XPO4: variants seen among roughly 807,000 people sequenced by gnomAD.
XPO4 encodes the protein exportin-4.
XPO4 carries 39 observed loss-of-function variants against 143.0 expected under a neutral mutation model. The observed-to-expected ratio is 0.27, with a 90% CI of 0.21 to 0.36. The LOEUF is 0.36. Ranked by LOEUF, XPO4 falls within the 10% of genes least tolerant of loss-of-function variation. The pLI is 1.00. For missense variants in XPO4, 907 were observed against 1,348.0 expected, an observed-to-expected ratio of 0.67 and a Z score of 5.12; for synonymous variants, 439 against 474.0, an observed-to-expected ratio of 0.93 and a Z score of 0.96.
At chr13:20,887,335 T>C (rs2060470481) in intron 1 of XPO4, among the ~76,000 whole-genome samples, 1 of 152,184 alleles carries the variant, frequency 6.6e-6, no homozygotes, top group African/African-American at 2.4e-5. Flanking sequence ...GTGATGGATA[T>C]GTTAATTAAC....
chr13:20,829,872 C>T (rs2138003048), intron 6 of XPO4, among the ~76,000 whole-genome samples: 1 of 152,178 alleles, frequency 6.6e-6, no homozygotes, highest in East Asian at 1.9e-4. Flanking sequence ...CAAAAGGAAA[C>T]TATTAAACCT....
In XPO4 at chr13:20,842,925, C is replaced by T; in HGVS notation, c.697G>A (p.Val233Ile). 1 of 1,611,980 alleles carries T rather than the reference C, an allele frequency of 6.2e-7. No individual in the cohort carries two copies. Among genetic ancestry groups the T allele is most frequent in the Admixed American group, 1.7e-5 (1 of 59,882 alleles). ...GGAGGAAGAAAGTTCCAGCTCAAGA[C>T]TTGATTGGCGAGTGCAAGGTAACGC... is the stretch of plus-strand genomic sequence containing the variant. ...FQRYLALANQVLSWNFLPPNL... is the reference protein window; with the variant it reads ...FQRYLALANQILSWNFLPPNL... Residue 233 changes from valine to isoleucine, a missense_variant, in exon 6 of 23, where the codon GTC (valine) becomes ATC (isoleucine). Val to Ile is a conservative substitution (Grantham distance 29). Transcript: ENST00000255305.
intron 9 of XPO4, among the ~76,000 whole-genome samples, chr13:20,812,573 ACT>A (rs2059596041): frequency 6.6e-6 from 1 of 152,194 alleles, no homozygotes; most frequent in Non-Finnish European, 1.5e-5. Context: ...GATGAGGAAC[ACT>A]TGTTCATCAA....
At position 20,779,571 on chromosome 13, in the gene XPO4, G is replaced by A. The variant is rs1308492882; in HGVS notation, c.*4151C>T. ...CACAGTGGGAGAGGAGGGTAAAGAT[G>A]TGAGCTTCAAGCGGGTAATGGGCAA... is the stretch of plus-strand genomic sequence containing the variant. On this transcript the variant is annotated 3_prime_UTR_variant, in exon 23 of 23. Coordinates refer to ENST00000255305, the MANE Select transcript of XPO4 (RefSeq NM_022459.5). 6.6e-6 allele frequency: 1 copy of A among 152,424 alleles called. No homozygotes were observed. The highest frequency in any genetic ancestry group is 1.5e-5 in the Non-Finnish European group (1 of 68,026). 9.4% of individuals were successfully genotyped at this position (152,424 alleles called of 1,614,324 possible).
In XPO4 at chr13:20,796,778, A is replaced by G. The variant is rs892421001; in HGVS notation, c.2602T>C (p.Cys868Arg). ...AAAGTGCTTACCTCTCCAAGATAGC[A>G]TATCTGTTTATGTGCAACTTCAACA... ...VFVEVAHKQI[C>R]YLGESKAMNL... is the part of the protein sequence containing the mutation. Residue 868 changes from cysteine to arginine, a missense_variant, in exon 17 of 23, where the codon TGC (cysteine) becomes CGC (arginine). Cys to Arg is a radical substitution (Grantham distance 180, BLOSUM62 -3). Transcript: ENST00000255305. 1.2e-6 allele frequency: 2 copies of G among 1,611,178 alleles called. No homozygotes were observed. The highest frequency in any genetic ancestry group is 1.7e-6 in the Non-Finnish European group (2 of 1,178,606).
rs980250846 is a variant in XPO4, at chr13:20,900,412, C to T, written c.69+2258G>A. ...AAAAAGAAGATGAAAGTAATAATAC[C>T]TACCTCACAGAGTTACTGGAGATAA... On this transcript the variant is annotated intron_variant, in intron 1 of 22. Transcript: ENST00000255305. Among the ~76,000 whole-genome samples, 135 of 152,036 alleles carry T rather than the reference C, an allele frequency of 8.9e-4. 1 individual carries two copies. Among genetic ancestry groups the T allele is most frequent in the African/African-American group, 3.2e-3 (132 of 41,488 alleles).
chr13:20,802,798 A>G (rs567074012), intron 13 of XPO4, among the ~76,000 whole-genome samples: 7 of 152,278 alleles, frequency 4.6e-5, no homozygotes, highest in East Asian at 1.9e-4. Flanking sequence ...ACTTTTAAAC[A>G]TTTTCAATGA....
intron 2 of XPO4, 148 bp downstream of exon 2, chr13:20,868,448 C>T (rs1326707388): frequency 8.2e-7 from 1 of 1,220,640 alleles, no homozygotes. Context: ...ATCTTTAAAG[C>T]TACTCCAGTA....
chr13:20,868,505 TAAAAAGGAA>T, intron 2 of XPO4, 82 bp downstream of exon 2: 1 of 1,467,980 alleles, frequency 6.8e-7, no homozygotes. Flanking sequence ...ACCAGGTTTT[TAAAAAGGAA>T]TTTAAAATAG....
chr13:20,794,476 C>T lies in XPO4; in HGVS notation c.2797+1600G>A, dbSNP rs114512111. The stretch of plus-strand genomic sequence containing the variant: ...GGTCCTAACATTTAGTTACAGATTC[C>T]TCTGGGGACAAGATTCTTAACCTGG... On this transcript the variant is annotated intron_variant, in intron 18 of 22. Transcript: ENST00000255305. Among the ~76,000 whole-genome samples, 1,473 of 152,250 alleles carry T rather than the reference C, an allele frequency of 9.7e-3. 30 individuals are homozygous for T. Among genetic ancestry groups the T allele is most frequent in the African/African-American group, 0.034 (1,409 of 41,532 alleles).
chr13:20,887,118 T>C (rs1396970131), intron 1 of XPO4, among the ~76,000 whole-genome samples: 1 of 152,126 alleles, frequency 6.6e-6, no homozygotes, highest in Admixed American at 6.6e-5. Context: ...TTTATTGTGA[T>C]AAATACAGCA....
chr13:20,788,610 T>G lies in XPO4; in HGVS notation c.2923A>C (p.Thr975Pro). The G allele has an allele frequency of 6.3e-7, 1 of 1,589,680 alleles. No individual in the cohort carries two copies. Among genetic ancestry groups the G allele is most frequent in the South Asian group, 1.2e-5 (1 of 85,920 alleles). Residue 975 changes from threonine (T) to proline (P), a missense_variant, in exon 20 of 23, where the codon ACC becomes CCC. Physicochemically the swap from Thr to Pro is conservative, Grantham distance 38 (BLOSUM62 -1). Transcript: ENST00000255305. Reference protein sequence around the residue: ...LMSQDLLKFPTLCNQYYKLIT... With the variant: ...LMSQDLLKFPPLCNQYYKLIT... ...AATTTGTAGTACTGATTACAAAGGG[T>G]TGGAAACTGAAAAAGAAATATTCAA...
At position 20,902,669 on chromosome 13, in the gene XPO4, C is replaced by T. The variant is rs2060633623; in HGVS notation, c.69+1G>A. 2 of 1,574,884 alleles carry T rather than the reference C, an allele frequency of 1.3e-6. No homozygotes were observed. The highest frequency in any genetic ancestry group is 1.7e-6 in the Non-Finnish European group (2 of 1,161,150). ...GGGTCTGAGGGGCGCGGCGTCCTCA[C>T]CATCAGAACTTTAGCCGCGTTCTCC... is the stretch of plus-strand genomic sequence containing the variant. On this transcript the variant is annotated splice_donor_variant, in intron 1 of 22. Transcript: ENST00000255305. LOFTEE classifies it high-confidence loss of function.
chr13:20,876,896 A>G (rs939627677), intron 1 of XPO4, among the ~76,000 whole-genome samples: 2 of 152,208 alleles, frequency 1.3e-5, no homozygotes, highest in African/African-American at 4.8e-5. Context: ...AGGGGACCCA[A>G]GCAGGTTGCC....
At chr13:20,835,096 C>T (rs2059900664) in intron 6 of XPO4, among the ~76,000 whole-genome samples, 2 of 152,132 alleles carry the variant, frequency 1.3e-5, no homozygotes, top group South Asian at 4.1e-4. Context: ...CTTTGAACTC[C>T]TAAGCTCAAG....
intron 6 of XPO4, among the ~76,000 whole-genome samples, chr13:20,830,546 AC>A (rs1407428708): frequency 6.6e-6 from 1 of 152,194 alleles, no homozygotes; most frequent in Admixed American, 6.6e-5. Flanking sequence ...ACTATATTAT[AC>A]TTTTCATAGG....
At chr13:20,891,018 G>A (rs2138179617) in intron 1 of XPO4, among the ~76,000 whole-genome samples, 1 of 150,784 alleles carries the variant, frequency 6.6e-6, no homozygotes, top group South Asian at 2.1e-4. Context: ...TTGGGAGGGT[G>A]AGGCAGGAGA....
chr13:20,857,812 G>A, intron 3 of XPO4: 1 of 979,874 alleles, frequency 1.0e-6, no homozygotes, highest in African/African-American at 1.7e-5. Flanking sequence ...GCAGAAGTAG[G>A]GTGCAAATCC....
intron 3 of XPO4, chr13:20,856,988 T>C (rs1016191584): frequency 1.8e-6 from 1 of 559,698 alleles, no homozygotes; most frequent in Non-Finnish European, 2.3e-6. Flanking sequence ...CACTACCTGC[T>C]GCATAACATG....
Sources: allele counts gnomAD v4.1 joint callset (sites outside exome capture counted in the v4.1 genomes callset), GRCh38; gene constraint gnomAD v4.1.1; transcripts MANE v1.5; gene names NCBI Gene and HGNC (gene_info 2026-07-23, HGNC 2026-07-21).